The following ALG5 variants were observed in gnomAD, a reference collection of about 807,000 sequenced individuals.
ALG5 encodes dolichyl-phosphate beta-glucosyltransferase.
ALG5 carries 26 observed loss-of-function variants against 51.8 expected under a neutral mutation model. The observed-to-expected ratio is 0.50, with a 90% CI of 0.37 to 0.70. ALG5 has a LOEUF of 0.70. Ranked by LOEUF, ALG5 falls within the 30% of genes least tolerant of loss-of-function variation. The probability of loss-of-function intolerance (pLI) is 0.00; values close to 1 mark genes in which losing one functional copy is unlikely to be tolerated. For synonymous variants in ALG5, 141 were observed against 136.1 expected, an observed-to-expected ratio of 1.04 and a Z score of -0.25; for missense variants, 311 against 399.3, an observed-to-expected ratio of 0.78 and a Z score of 1.88.
intron 2 of ALG5, 51 bp downstream of exon 2, chr13:36,995,374 C>G (rs1200580178): frequency 1.3e-6 from 2 of 1,552,358 alleles, no homozygotes; most frequent in Non-Finnish European, 1.7e-6. Context: ...CTTTAAATTT[C>G]CTTTTCTTTT....
Position 36,965,586 on chromosome 13 carries a change from G to A in ALG5, c.762C>T (p.His254=), listed in dbSNP as rs143949145. ...EAASRTFSSL[H]VERWAFDVEL... is the part of the protein sequence containing the mutation. The stretch of plus-strand genomic sequence containing the variant: ...AGTCAGAAACCTACCATCGTTCAAC[G>A]TGTAGAGATGAAAACGTCCGTGAAG... Residue 254 remains histidine (H), a synonymous_variant, in exon 8 of 10, where the codon CAC becomes CAT. Transcript: ENST00000239891. 1.4e-5 allele frequency: 22 copies of A among 1,613,592 alleles called. No individual in the cohort carries two copies. Among genetic ancestry groups the A allele is most frequent in the Non-Finnish European group, 1.9e-5 (22 of 1,179,816 alleles).
At chr13:36,995,094 A>G in intron 2 of ALG5, 59 bp from the exon 3 acceptor site, 1 of 1,458,278 alleles carries the variant, frequency 6.9e-7, no homozygotes, top group South Asian at 1.1e-5. Context: ...AGCCCGGCAC[A>G]TTCAGCTTAC....
At chr13:36,983,110 A>G (rs2138816224) in intron 6 of ALG5, among the ~76,000 whole-genome samples, 1 of 152,238 alleles carries the variant, frequency 6.6e-6, no homozygotes, top group Non-Finnish European at 1.5e-5. Context: ...TGTTTGGTTC[A>G]CTCCCTAACA....
At chr13:36,974,724 C>A (rs1425917618) in intron 6 of ALG5, among the ~76,000 whole-genome samples, 1 of 151,208 alleles carries the variant, frequency 6.6e-6, no homozygotes, top group Non-Finnish European at 1.5e-5. Flanking sequence ...CCCCCCACCA[C>A]CATCCCACCC....
Position 36,950,726 on chromosome 13 carries a change from AG to A in ALG5, c.860-670del, listed in dbSNP as rs1178353651. Among the ~76,000 whole-genome samples the A allele has an allele frequency of 2.6e-4, 39 of 152,232 alleles. 1 individual carries two copies. The highest frequency in any genetic ancestry group is 9.4e-4 in the African/African-American group (39 of 41,526). Reference sequence around the variant, plus strand: ...CAGCCTCCCCAGTAGCTGGGAGTACAGGAGGCACGCACCACACCTGCCTAAT... The same window carrying A: ...CAGCCTCCCCAGTAGCTGGGAGTACAGAGGCACGCACCACACCTGCCTAAT... On this transcript the variant is annotated intron_variant, in intron 9 of 9. Transcript: ENST00000239891.
Position 36,993,368 on chromosome 13 carries a change from C to T in ALG5, c.354+236G>A, listed in dbSNP as rs192897973. 4.6e-5 allele frequency among the ~76,000 whole-genome samples: 7 copies of T among 152,300 alleles called. No homozygotes were observed. In the East Asian group the frequency reaches 1.4e-3, roughly 29 times the overall value. On this transcript the variant is annotated intron_variant, in intron 4 of 9. Coordinates refer to ENST00000239891, the MANE Select transcript of ALG5 (RefSeq NM_013338.5). ...GCAACGAAGGTTCCTACCCTAAAGG[C>T]CAGGAGGAACTGTGCGCGGGCATGT...
chr13:36,954,263 ATCT>A (rs34348729), intron 8 of ALG5, among the ~76,000 whole-genome samples: 123,530 of 151,558 alleles, frequency 0.82, 50,892 homozygotes, highest in East Asian at 1. Context: ...CTATAATTTT[ATCT>A]TCTTCTTTTC....
rs779974613 is a variant in ALG5 at position 36,995,575 on chromosome 13, T to C, written c.88A>G (p.Thr30Ala). 3.9e-5 allele frequency: 63 copies of C among 1,601,434 alleles called. No homozygotes were observed. Among genetic ancestry groups the C allele is most frequent in the Non-Finnish European group, 5.2e-5 (61 of 1,177,332 alleles). ...TGGAGTGCTGGCATTTTTGTAGCAG[T>C]TGTAAATGCAACGATGGAAATCTAA... ...LVLISIVAFT[T>A]ATKMPALHRH... Residue 30 changes from threonine (T) to alanine (A), a missense_variant, in exon 2 of 10, where the codon ACT (threonine) becomes GCT (alanine). Physicochemically the swap from Thr to Ala is moderately conservative, Grantham distance 58. Transcript: ENST00000239891.
At chr13:36,972,677 G>T (rs565923132) in intron 6 of ALG5, among the ~76,000 whole-genome samples, 1 of 152,116 alleles carries the variant, frequency 6.6e-6, no homozygotes, top group African/African-American at 2.4e-5. Flanking sequence ...TATATGAGAG[G>T]ATATAGTAAC....
chr13:36,963,282 A>G (rs995146733), intron 8 of ALG5, among the ~76,000 whole-genome samples: 6 of 152,220 alleles, frequency 3.9e-5, no homozygotes, highest in Admixed American at 3.9e-4. Context: ...ATTTGAAATT[A>G]CATATATGCC....
intron 6 of ALG5, among the ~76,000 whole-genome samples, chr13:36,982,820 T>C (rs1233077310): frequency 6.6e-6 from 1 of 152,222 alleles, no homozygotes; most frequent in East Asian, 1.9e-4. Flanking sequence ...TATTACATGA[T>C]GCATATTAAT....
At chr13:36,984,004 GTAA>G (rs536589567) in intron 6 of ALG5, among the ~76,000 whole-genome samples, 1 of 151,784 alleles carries the variant, frequency 6.6e-6, no homozygotes, top group South Asian at 2.1e-4. Context: ...TAATAAATAT[GTAA>G]TAATATTCAG....
At chr13:36,967,728 C>T (rs1348346330) in intron 7 of ALG5, 2 of 859,228 alleles carry the variant, frequency 2.3e-6, no homozygotes, top group African/African-American at 1.7e-5. Flanking sequence ...AATCTCACAA[C>T]AGCTTGCTCA....
intron 6 of ALG5, among the ~76,000 whole-genome samples, chr13:36,984,428 T>G (rs1290609632): frequency 6.6e-6 from 1 of 152,200 alleles, no homozygotes; most frequent in Admixed American, 6.5e-5. Flanking sequence ...TTTGTTGTTT[T>G]GTCATCTTAC....
At chr13:36,999,145 G>A in intron 1 of ALG5, 90 bp downstream of exon 1, 1 of 1,233,316 alleles carries the variant, frequency 8.1e-7, no homozygotes. Context: ...TCCGAGAACT[G>A]GTAGCGCGGA....
intron 7 of ALG5, among the ~76,000 whole-genome samples, chr13:36,968,504 A>G (rs955826084): frequency 2.3e-4 from 35 of 152,326 alleles, no homozygotes; most frequent in African/African-American, 8.4e-4. Context: ...CAGACCATAT[A>G]TAAACATTAC....
chr13:36,965,528 T>C (rs751463439), intron 8 of ALG5, 47 bp downstream of exon 8: 242 of 1,557,846 alleles, frequency 1.6e-4, no homozygotes, highest in Non-Finnish European at 2.0e-4. Context: ...ACCTAGAAGA[T>C]GGCTGGGTCA....
At chr13:36,987,572 A>G (rs1273321389) in intron 5 of ALG5, among the ~76,000 whole-genome samples, 1 of 152,128 alleles carries the variant, frequency 6.6e-6, no homozygotes, top group African/African-American at 2.4e-5. Context: ...GCTTTCTATC[A>G]TGAGTGGAAG....
At chr13:36,987,684 G>C (rs2059008190) in intron 5 of ALG5, among the ~76,000 whole-genome samples, 1 of 152,124 alleles carries the variant, frequency 6.6e-6, no homozygotes. Flanking sequence ...ATGTTATCCA[G>C]TCTCAGGTAT....
Sources: allele counts gnomAD v4.1 joint callset (sites outside exome capture counted in the v4.1 genomes callset), GRCh38; gene constraint gnomAD v4.1.1; transcripts MANE v1.5; gene names NCBI Gene and HGNC (gene_info 2026-07-23, HGNC 2026-07-21).